The following ZNF26 variants were observed in gnomAD, a reference collection of about 807,000 sequenced individuals.
ZNF26 encodes zinc finger protein 26, also known as epididymis luminal protein 179.
ZNF26 carries 32 observed loss-of-function variants against 54.9 expected under a neutral mutation model. That is an observed-to-expected ratio of 0.58 (90% CI 0.44 to 0.78). The LOEUF (loss-of-function observed/expected upper bound fraction) is 0.78. Ranked by LOEUF, ZNF26 falls within the 30% of genes least tolerant of loss-of-function variation. The pLI, the probability that ZNF26 is intolerant of heterozygous loss-of-function variation, is 0.00. For missense variants in ZNF26, 524 were observed against 634.0 expected (o/e 0.83, Z 1.86); for synonymous variants, 221 against 209.2 (o/e 1.06, Z -0.49).
At position 133,025,496 on chromosome 12, in the gene ZNF26, C is replaced by A. The variant is rs1461798327; in HGVS notation, c.*14015C>A. 6.6e-6 allele frequency: 1 copy of A among 152,204 alleles called. No homozygotes were observed. Among genetic ancestry groups the A allele is most frequent in the Non-Finnish European group, 1.5e-5 (1 of 68,058 alleles). 9.4% of individuals were successfully genotyped at this position (152,204 alleles called of 1,614,324 possible). ...TGAATTGTTACAGCCAGAGGGCAGACCGTGGTAATCCCAAACATGGCCAAA... is the reference window on the plus strand; with the variant it reads ...TGAATTGTTACAGCCAGAGGGCAGAACGTGGTAATCCCAAACATGGCCAAA... On this transcript the variant is annotated 3_prime_UTR_variant, in exon 4 of 4. Transcript: ENST00000328654.
At position 133,022,388 on chromosome 12, in the gene ZNF26, TATG is replaced by T. The variant is rs1206914020; in HGVS notation, c.*10908_*10910del. 3 of 152,314 alleles carry T rather than the reference TATG, an allele frequency of 2.0e-5. No homozygotes were observed. Among genetic ancestry groups the T allele is most frequent in the Middle Eastern group, 3.4e-3 (1 of 294 alleles). The allele number at this position is 152,314 out of a possible 1,614,324, so 9.4% of individuals were successfully genotyped here. A position where few individuals can be genotyped will look rare whatever the true frequency, so the allele number is the denominator to read the frequency against. ...CAAAATACAAAATAGATACAAATCT[TATG>T]GTGTTGGAACTGTTCAGCATCTTGA... On this transcript the variant is annotated 3_prime_UTR_variant, in exon 4 of 4. Coordinates refer to ENST00000328654, the MANE Select transcript of ZNF26 (RefSeq NM_019591.4).
chr12:133,023,435 A>G lies in ZNF26; in HGVS notation c.*11954A>G, dbSNP rs1953666453. 6.6e-6 allele frequency: 1 copy of G among 152,202 alleles called. No individual in the cohort carries two copies. Among genetic ancestry groups the G allele is most frequent in the East Asian group, 1.9e-4 (1 of 5,200 alleles). 9.4% of individuals were successfully genotyped at this position (152,202 alleles called of 1,614,324 possible). A position where few individuals can be genotyped will look rare whatever the true frequency, so the allele number is the denominator to read the frequency against. On this transcript the variant is annotated 3_prime_UTR_variant, in exon 4 of 4. Transcript: ENST00000328654. ...TAGATTACTTCCAAATTCACCTAGA[A>G]ATTCTTTTATAACCTTTACACCAAA...
intron 1 of ZNF26, among the ~76,000 whole-genome samples, chr12:132,991,831 C>T (rs1952968026): frequency 6.6e-6 from 1 of 151,938 alleles, no homozygotes; most frequent in Non-Finnish European, 1.5e-5. Context: ...CTTATTCTTT[C>T]TTTGATGTTC....
rs1171163327 is a variant in ZNF26, at chr12:133,017,746, A to C, written c.*6265A>C. On this transcript the variant is annotated 3_prime_UTR_variant, in exon 4 of 4. Coordinates refer to ENST00000328654, the MANE Select transcript of ZNF26 (RefSeq NM_019591.4). Reference sequence around the variant, plus strand: ...AATTATAGGCCAGGCGTGGTGGCTCACGCCTGTAATCCCAGCACTTTGGGA... The same window carrying C: ...AATTATAGGCCAGGCGTGGTGGCTCCCGCCTGTAATCCCAGCACTTTGGGA... 6.6e-6 allele frequency: 1 copy of C among 152,290 alleles called. No homozygotes were observed. The highest frequency in any genetic ancestry group is 2.4e-5 in the African/African-American group (1 of 41,466). 9.4% of individuals were successfully genotyped at this position (152,290 alleles called of 1,614,324 possible).
rs1304179873 is a variant in ZNF26, at chr12:133,017,263, G to A, written c.*5782G>A. ...CCCACATGGCAGGGCATTAGACAAG[G>A]AGACCCACTTTACCACAGATAAGGT... On this transcript the variant is annotated 3_prime_UTR_variant, in exon 4 of 4. Coordinates refer to ENST00000328654, the MANE Select transcript of ZNF26 (RefSeq NM_019591.4). The A allele has an allele frequency of 6.6e-6, 1 of 152,168 alleles. No homozygotes were observed. The highest frequency in any genetic ancestry group is 1.5e-5 in the Non-Finnish European group (1 of 68,038). The allele number at this position is 152,168 out of a possible 1,614,324, so 9.4% of individuals were successfully genotyped here. A position where few individuals can be genotyped will look rare whatever the true frequency, so the allele number is the denominator to read the frequency against.
chr12:133,007,978 T>C (rs1288403421), intron 3 of ZNF26, among the ~76,000 whole-genome samples: 1 of 152,166 alleles, frequency 6.6e-6, no homozygotes, highest in Non-Finnish European at 1.5e-5. Context: ...CTCCTATATC[T>C]TTGAGTGACT....
chr12:133,010,558 G>C lies in ZNF26; in HGVS notation c.679G>C (p.Glu227Gln), dbSNP rs1953447883. The stretch of plus-strand genomic sequence containing the variant: ...TGCTCATCAGAGAGTTCATACAGGA[G>C]AAAAACCCTACTCATGTAGTGAGTG... ...LNAHQRVHTGEKPYSCSECEK... is the reference protein window; with the variant it reads ...LNAHQRVHTGQKPYSCSECEK... The change falls in exon 4 of 4, where the codon GAA becomes CAA. Residue 227 changes from glutamate to glutamine, a missense_variant. Transcript: ENST00000328654. 1.2e-6 allele frequency: 2 copies of C among 1,614,064 alleles called. No individual in the cohort carries two copies. Among genetic ancestry groups the C allele is most frequent in the Admixed American group, 3.3e-5 (2 of 60,002 alleles).
chr12:132,995,032 G>A lies in ZNF26; in HGVS notation c.33+8159G>A, dbSNP rs941789971. The stretch of plus-strand genomic sequence containing the variant: ...TGAGAACCACTGGGCACATACTTAC[G>A]AATGATACTGTTGAGTCATTGTATA... On this transcript the variant is annotated intron_variant, in intron 1 of 3. Coordinates refer to ENST00000328654, the MANE Select transcript of ZNF26 (RefSeq NM_019591.4). 6.6e-5 allele frequency among the ~76,000 whole-genome samples: 10 copies of A among 152,194 alleles called. No individual in the cohort carries two copies. In the South Asian group the frequency reaches 1.0e-3, roughly 16 times the overall value.
chr12:133,006,782 A>G, intron 1 of ZNF26: 2 of 359,020 alleles, frequency 5.6e-6, no homozygotes, highest in South Asian at 7.4e-5. Flanking sequence ...TTTAGTAGAG[A>G]CAGGGTTTCA....
At chr12:133,009,331 A>G (rs1325436042) in intron 3 of ZNF26, among the ~76,000 whole-genome samples, 1 of 152,148 alleles carries the variant, frequency 6.6e-6, no homozygotes, top group Non-Finnish European at 1.5e-5. Flanking sequence ...AGTGGCTCAC[A>G]CCTGTAATCC....
intron 1 of ZNF26, chr12:133,005,319 C>T (rs1464647227): frequency 6.6e-6 from 1 of 152,222 alleles, no homozygotes; most frequent in African/African-American, 2.4e-5. Flanking sequence ...TCTCCTGCCT[C>T]AGCCTTCTGA....
chr12:132,987,824 C>G (rs1329708705), intron 1 of ZNF26: 2 of 737,634 alleles, frequency 2.7e-6, no homozygotes, highest in Non-Finnish European at 3.3e-6. Context: ...GGCTGTTGTG[C>G]TAAAGAAACG....
rs2137239534 is a variant in ZNF26 at position 133,001,966 on chromosome 12, A to G, written c.34-5076A>G. Among the ~76,000 whole-genome samples the G allele has an allele frequency of 6.6e-6, 1 of 152,266 alleles. No homozygotes were observed. The highest frequency in any genetic ancestry group is 2.4e-5 in the African/African-American group (1 of 41,558). On this transcript the variant is annotated intron_variant, in intron 1 of 3. Transcript: ENST00000328654. The surrounding 1 kb of genome is among the most constrained non-coding windows in gnomAD (Gnocchi z 4.7). ...CAGGTTGTGTGTGGGGCACTTGCAC[A>G]GTCCCCTTTTCTTAGAGCCCCTCCT...
chr12:132,997,578 C>T (rs1037193227), intron 1 of ZNF26, among the ~76,000 whole-genome samples: 22 of 152,168 alleles, frequency 1.4e-4, no homozygotes, highest in African/African-American at 4.8e-4. Context: ...CTCCCCTGAA[C>T]GTTAGGTAGG....
At position 133,010,880 on chromosome 12, in the gene ZNF26, G is replaced by A. The variant is rs201025372; in HGVS notation, c.1001G>A (p.Arg334Gln). 1.2e-5 allele frequency: 20 copies of A among 1,613,920 alleles called. No individual in the cohort carries two copies. The highest frequency in any genetic ancestry group is 2.2e-5 in the South Asian group (2 of 91,080). The change falls in exon 4 of 4, where the codon CGA (arginine) becomes CAA (glutamine). Residue 334 changes from arginine to glutamine, a missense_variant. By Grantham distance (43) the Arg-to-Gln change is conservative (BLOSUM62 1). Coordinates refer to ENST00000328654, the MANE Select transcript of ZNF26 (RefSeq NM_019591.4). ...RSKSYLLVHI[R>Q]MHTGEKPYQC... Reference sequence around the variant, plus strand: ...AAGTCCTATCTCCTTGTTCACATCCGAATGCATACAGGAGAAAAACCCTAT... The same window carrying A: ...AAGTCCTATCTCCTTGTTCACATCCAAATGCATACAGGAGAAAAACCCTAT...
At chr12:132,993,288 G>A (rs1014130238) in intron 1 of ZNF26, among the ~76,000 whole-genome samples, 1 of 151,984 alleles carries the variant, frequency 6.6e-6, no homozygotes, top group Non-Finnish European at 1.5e-5. Context: ...GCCTCTCAAA[G>A]TGCTGGGATT....
chr12:132,994,412 CTT>C (rs1471021104), intron 1 of ZNF26, among the ~76,000 whole-genome samples: 28 of 152,170 alleles, frequency 1.8e-4, no homozygotes, highest in African/African-American at 6.5e-4. Flanking sequence ...CTTCCAAACT[CTT>C]TACATGCAGA....
intron 1 of ZNF26, among the ~76,000 whole-genome samples, chr12:132,993,758 C>T (rs949912835): frequency 2.0e-4 from 30 of 152,082 alleles, no homozygotes; most frequent in Admixed American, 3.3e-4. Flanking sequence ...GCGTGGTTGC[C>T]CTATGTTTTT....
At chr12:132,986,955 C>T in intron 1 of ZNF26, 82 bp downstream of exon 1, 1 of 1,444,076 alleles carries the variant, frequency 6.9e-7, no homozygotes, top group East Asian at 2.5e-5. Flanking sequence ...ACTCCGGGAA[C>T]TGAACTCACA....
Sources: gnomAD v4.1 joint callset for allele counts (sites outside exome capture counted in the v4.1 genomes callset) on GRCh38, gnomAD v4.1.1 for gene constraint, Gnocchi (gnomAD v3.1) non-coding constraint, MANE v1.5 for transcripts, NCBI Gene and HGNC (gene_info 2026-07-23, HGNC 2026-07-21) for gene names.